Variants in L3MBTL4 observed in about 807,000 individuals in gnomAD.
L3MBTL4 encodes the protein L3MBTL histone methyl-lysine binding protein 4, also known as lethal(3)malignant brain tumor-like protein 4.
A neutral mutation model predicts 84.5 loss-of-function variants in L3MBTL4; 70 were observed. The observed-to-expected ratio is 0.83, with a 90% CI of 0.68 to 1.01. The LOEUF (loss-of-function observed/expected upper bound fraction) is 1.01. Among genes scored for constraint, L3MBTL4 ranks in the 50% least tolerant of loss-of-function variants. L3MBTL4 has a pLI of 0.00. For synonymous variants in L3MBTL4, 274 were observed against 259.8 expected, an observed-to-expected ratio of 1.05 and a Z score of -0.52; for missense variants, 715 against 754.8, an observed-to-expected ratio of 0.95 and a Z score of 0.62.
intron 16 of L3MBTL4, among the ~76,000 whole-genome samples, chr18:6,056,849 G>A (rs573986038): frequency 5.7e-4 from 86 of 152,212 alleles, no homozygotes; most frequent in African/African-American, 2.0e-3. Context: ...CAGATCAAGT[G>A]CCTCAACAGT....
At chr18:6,157,154 A>G (rs988542129) in intron 13 of L3MBTL4, among the ~76,000 whole-genome samples, 1 of 152,208 alleles carries the variant, frequency 6.6e-6, no homozygotes, top group African/African-American at 2.4e-5. Context: ...TAAAAAACAC[A>G]ATATGCTGTA....
chr18:6,024,009 T>G (rs563957446), intron 16 of L3MBTL4, among the ~76,000 whole-genome samples: 110 of 152,220 alleles, frequency 7.2e-4, no homozygotes, highest in African/African-American at 2.6e-3. Context: ...CTGGAAGAAG[T>G]CCCACCAAGA....
At chr18:6,376,333 G>A (rs910098639) in intron 1 of L3MBTL4, among the ~76,000 whole-genome samples, 1 of 152,182 alleles carries the variant, frequency 6.6e-6, no homozygotes, top group African/African-American at 2.4e-5. Flanking sequence ...CCCCTGACTC[G>A]CTGTCACATC....
At chr18:6,270,461 C>T (rs1396134522) in intron 4 of L3MBTL4, among the ~76,000 whole-genome samples, 2 of 152,168 alleles carry the variant, frequency 1.3e-5, no homozygotes, top group African/African-American at 4.8e-5. Context: ...CATAACCTGA[C>T]ATATGGTGGG....
intron 16 of L3MBTL4, among the ~76,000 whole-genome samples, chr18:6,038,300 C>T (rs1283482564): frequency 2.1e-5 from 3 of 140,894 alleles, no homozygotes; most frequent in Non-Finnish European, 4.5e-5. Flanking sequence ...GTCGCCCAAG[C>T]TGGAGTGCAG....
intron 16 of L3MBTL4, among the ~76,000 whole-genome samples, chr18:6,055,691 C>A (rs1359601665): frequency 6.6e-6 from 1 of 152,050 alleles, no homozygotes; most frequent in African/African-American, 2.4e-5. Flanking sequence ...AATAAGGAAA[C>A]AATTAAAAAC....
At chr18:6,156,104 G>A (rs2043092514) in intron 13 of L3MBTL4, among the ~76,000 whole-genome samples, 1 of 152,050 alleles carries the variant, frequency 6.6e-6, no homozygotes, top group Non-Finnish European at 1.5e-5. Flanking sequence ...AAGAATAATT[G>A]CTATAAATAA....
intron 16 of L3MBTL4, among the ~76,000 whole-genome samples, chr18:5,979,046 T>C (rs781131540): frequency 6.6e-6 from 1 of 152,178 alleles, no homozygotes; most frequent in Non-Finnish European, 1.5e-5. Flanking sequence ...AGGTGCTCAA[T>C]AGCTGTTTGC....
At chr18:6,362,221 G>A (rs548174329) in intron 1 of L3MBTL4, among the ~76,000 whole-genome samples, 106 of 127,852 alleles carry the variant, frequency 8.3e-4, no homozygotes, top group Non-Finnish European at 1.2e-3. Flanking sequence ...GGGAGGGAGG[G>A]GAGGGGAGGG....
At chr18:6,379,743 A>G (rs1297159663) in intron 1 of L3MBTL4, among the ~76,000 whole-genome samples, 3 of 152,312 alleles carry the variant, frequency 2.0e-5, no homozygotes, top group Admixed American at 1.3e-4. Flanking sequence ...GGATTTTTGC[A>G]TCAATGTTCA....
intron 16 of L3MBTL4, among the ~76,000 whole-genome samples, chr18:5,984,855 A>C (rs1021844275): frequency 2.0e-4 from 31 of 152,130 alleles, no homozygotes; most frequent in Admixed American, 1.3e-4. Flanking sequence ...CAGAAGGGAA[A>C]ATTTTTATAG....
rs1236393673 is a variant in L3MBTL4 at position 6,093,478 on chromosome 18, A to C, written c.1250T>G (p.Leu417Arg). 1.2e-6 allele frequency: 2 copies of C among 1,613,968 alleles called. No individual in the cohort carries two copies. Among genetic ancestry groups the C allele is most frequent in the East Asian group, 2.2e-5 (1 of 44,844 alleles). ...SDMNLKKEAT[L>R]HDRLREQTQA... ...TGTTTGTTCTCTCAAACGATCGTGAAGTGTTGCCTCCTTTTTCAAGTTCAT... is the reference window on the plus strand; with the variant it reads ...TGTTTGTTCTCTCAAACGATCGTGACGTGTTGCCTCCTTTTTCAAGTTCAT... The change falls in exon 15 of 19, where the codon CTT (leucine) becomes CGT (arginine). Residue 417 changes from leucine to arginine, a missense_variant. Coordinates refer to ENST00000317931, the MANE Select transcript of L3MBTL4 (RefSeq NM_001330559.2).
chr18:6,191,265 G>A (rs1435970265), intron 12 of L3MBTL4, among the ~76,000 whole-genome samples: 1 of 152,188 alleles, frequency 6.6e-6, no homozygotes, highest in Non-Finnish European at 1.5e-5. Flanking sequence ...AAGAGGTGAT[G>A]TATTCTGGAC....
intron 12 of L3MBTL4, among the ~76,000 whole-genome samples, chr18:6,174,665 G>C (rs1428125879): frequency 6.6e-6 from 1 of 151,878 alleles, no homozygotes; most frequent in African/African-American, 2.4e-5. Context: ...GAGCCAGGGG[G>C]TTAAGACTAG....
chr18:6,219,751 C>T (rs944029720), intron 10 of L3MBTL4, among the ~76,000 whole-genome samples: 1 of 151,974 alleles, frequency 6.6e-6, no homozygotes, highest in Non-Finnish European at 1.5e-5. Context: ...GCAGAACAGC[C>T]TGAACGCTCA....
chr18:6,174,489 T>C (rs1413418468), intron 12 of L3MBTL4, among the ~76,000 whole-genome samples: 1 of 152,114 alleles, frequency 6.6e-6, no homozygotes, highest in African/African-American at 2.4e-5. Flanking sequence ...TATTGCTGGA[T>C]GGCAATAATA....
chr18:6,356,787 T>TATGAA (rs1466114884), intron 1 of L3MBTL4: 1 of 152,216 alleles, frequency 6.6e-6, no homozygotes, highest in African/African-American at 2.4e-5. Context: ...CTGTAGACTT[T>TATGAA]ATGAACACTG....
At chr18:5,956,530 G>T in intron 18 of L3MBTL4, 143 bp from the exon 19 acceptor site, 4 of 674,882 alleles carry the variant, frequency 5.9e-6, no homozygotes, top group Non-Finnish European at 1.0e-5. Flanking sequence ...AATGACGGTA[G>T]CTCTCACTCG....
intron 10 of L3MBTL4, among the ~76,000 whole-genome samples, chr18:6,219,355 T>C (rs796128775): frequency 3.3e-5 from 5 of 151,884 alleles, no homozygotes; most frequent in African/African-American, 1.2e-4. Context: ...AGGGCGGGAC[T>C]GTAAACTGCT....
Sources: allele counts gnomAD v4.1 joint callset (sites outside exome capture counted in the v4.1 genomes callset), GRCh38; gene constraint gnomAD v4.1.1; transcripts MANE v1.5; gene names NCBI Gene and HGNC (gene_info 2026-07-23, HGNC 2026-07-21).